Variants in CCSER1 observed in about 807,000 individuals in gnomAD.
CCSER1 encodes coiled-coil serine rich protein 1, also known as serine-rich coiled-coil domain-containing protein 1.
In CCSER1, 41 loss-of-function variants were observed where a neutral mutation model predicts 82.0. The ratio of observed to expected loss-of-function variants is 0.50; its 90% CI spans 0.39 to 0.65. The LOEUF (loss-of-function observed/expected upper bound fraction) is 0.65. Among genes scored for constraint, CCSER1 ranks in the 30% least tolerant of loss-of-function variants. CCSER1 has a pLI of 0.00. For missense variants in CCSER1, 1,119 were observed against 1,064.2 expected (o/e 1.05, Z -0.72); for synonymous variants, 414 against 383.9 (o/e 1.08, Z -0.92).
chr4:90,552,748 C>T (rs569036730), intron 5 of CCSER1, among the ~76,000 whole-genome samples: 16 of 152,256 alleles, frequency 1.1e-4, no homozygotes, highest in Admixed American at 7.2e-4. Context: ...TGAGCCACTG[C>T]GCACAGCCCA....
At chr4:90,285,325 C>G (rs543584997) in intron 1 of CCSER1, among the ~76,000 whole-genome samples, 1 of 152,068 alleles carries the variant, frequency 6.6e-6, no homozygotes, top group Non-Finnish European at 1.5e-5. Flanking sequence ...TTTCTTTCAT[C>G]AATGTTTTAT....
At chr4:91,596,471 C>T (rs2110356138) in intron 10 of CCSER1, among the ~76,000 whole-genome samples, 1 of 152,114 alleles carries the variant, frequency 6.6e-6, no homozygotes, top group Admixed American at 6.6e-5. Flanking sequence ...CATTTGGCCA[C>T]AGATATTGAG....
intron 6 of CCSER1, among the ~76,000 whole-genome samples, chr4:90,652,813 C>T (rs1560888394): frequency 7.1e-6 from 1 of 140,664 alleles, no homozygotes; most frequent in Non-Finnish European, 1.6e-5. Flanking sequence ...TCCTCTTCCC[C>T]TTTTTCCCAT....
intron 1 of CCSER1, among the ~76,000 whole-genome samples, chr4:90,229,992 A>G (rs1010693592): frequency 4.6e-5 from 7 of 152,188 alleles, no homozygotes; most frequent in Non-Finnish European, 1.5e-5. Context: ...CGACCTACAA[A>G]GAGACTTAGA....
intron 4 of CCSER1, among the ~76,000 whole-genome samples, chr4:90,438,204 A>T (rs933403461): frequency 1.3e-5 from 2 of 152,170 alleles, no homozygotes; most frequent in African/African-American, 4.8e-5. Context: ...ACCAGACTTG[A>T]TCTTTGCACA....
At chr4:91,255,264 G>T (rs149209609) in intron 10 of CCSER1, among the ~76,000 whole-genome samples, 246 of 152,122 alleles carry the variant, frequency 1.6e-3, no homozygotes, top group African/African-American at 5.7e-3. Flanking sequence ...CCTGAAAAAA[G>T]AATATAATAA....
chr4:90,917,108 A>C (rs1407092542), intron 8 of CCSER1, among the ~76,000 whole-genome samples: 1 of 152,116 alleles, frequency 6.6e-6, no homozygotes, highest in African/African-American at 2.4e-5. Context: ...TCTGTGTGGC[A>C]ATTCCTCAGG....
At chr4:90,721,480 A>G (rs1174365790) in intron 6 of CCSER1, among the ~76,000 whole-genome samples, 5 of 152,048 alleles carry the variant, frequency 3.3e-5, no homozygotes, top group Admixed American at 2.0e-4. Context: ...TTATGAACCA[A>G]TCACTTGTAA....
At chr4:91,018,881 G>A (rs1739675113) in intron 9 of CCSER1, among the ~76,000 whole-genome samples, 1 of 151,982 alleles carries the variant, frequency 6.6e-6, no homozygotes, top group Non-Finnish European at 1.5e-5. Flanking sequence ...GTCCCACTTT[G>A]CATTCTTACA....
intron 5 of CCSER1, among the ~76,000 whole-genome samples, chr4:90,620,350 A>G (rs1722079266): frequency 6.6e-6 from 1 of 152,190 alleles, no homozygotes; most frequent in African/African-American, 2.4e-5. Context: ...TGACAGTTAG[A>G]AAATTAATTT....
chr4:91,421,212 A>G (rs1753665341), intron 10 of CCSER1, among the ~76,000 whole-genome samples: 1 of 152,202 alleles, frequency 6.6e-6, no homozygotes, highest in African/African-American at 2.4e-5. Context: ...ATATAAAAGG[A>G]GATCTATTAC....
chr4:91,220,776 A>C (rs371349157), intron 10 of CCSER1, among the ~76,000 whole-genome samples: 85 of 152,198 alleles, frequency 5.6e-4, no homozygotes, highest in African/African-American at 2.0e-3. Context: ...AAGGAAAGAA[A>C]AGAAGGAAAA....
At chr4:90,779,739 C>T (rs1753492575) in intron 7 of CCSER1, among the ~76,000 whole-genome samples, 2 of 152,176 alleles carry the variant, frequency 1.3e-5, no homozygotes, top group South Asian at 2.1e-4. Flanking sequence ...ACGGCTTAGA[C>T]ATGTGACCCA....
At chr4:91,220,360 A>C (rs1415328296) in intron 10 of CCSER1, among the ~76,000 whole-genome samples, 2 of 152,218 alleles carry the variant, frequency 1.3e-5, no homozygotes, top group Non-Finnish European at 2.9e-5. Context: ...GACAGATGGG[A>C]CAAGGAATTT....
intron 10 of CCSER1, among the ~76,000 whole-genome samples, chr4:91,590,109 T>C (rs1333936295): frequency 1.3e-5 from 2 of 152,102 alleles, no homozygotes; most frequent in Non-Finnish European, 2.9e-5. Context: ...TTGGGAGCTC[T>C]GCTGGCCTTA....
chr4:91,305,774 A>T (rs1415039972), intron 10 of CCSER1, among the ~76,000 whole-genome samples: 1 of 151,976 alleles, frequency 6.6e-6, no homozygotes, highest in African/African-American at 2.4e-5. Context: ...TCATAGTTCC[A>T]CATGACTGGG....
chr4:90,433,899 G>T (rs1470135121), intron 4 of CCSER1, among the ~76,000 whole-genome samples: 1 of 151,636 alleles, frequency 6.6e-6, no homozygotes, highest in Non-Finnish European at 1.5e-5. Context: ...CAAATTGTAA[G>T]ACAAGAGGTT....
intron 8 of CCSER1, among the ~76,000 whole-genome samples, chr4:90,915,236 C>T (rs1727150246): frequency 6.6e-6 from 1 of 152,170 alleles, no homozygotes; most frequent in South Asian, 2.1e-4. Flanking sequence ...AGACCAATAT[C>T]CATGATGAAC....
At chr4:90,621,709 G>A (rs116613097) in intron 5 of CCSER1, among the ~76,000 whole-genome samples, 3 of 152,116 alleles carry the variant, frequency 2.0e-5, no homozygotes, top group Non-Finnish European at 4.4e-5. Flanking sequence ...GTTTTTCAGA[G>A]TCTGTATTTT....
Sources: allele counts gnomAD v4.1 joint callset (sites outside exome capture counted in the v4.1 genomes callset), GRCh38; gene constraint gnomAD v4.1.1; transcripts MANE v1.5; gene names NCBI Gene and HGNC (gene_info 2026-07-23, HGNC 2026-07-21).